The following C2CD2 variants were observed in gnomAD, a reference collection of about 807,000 sequenced individuals.
The protein encoded by C2CD2 is C2 calcium dependent domain containing 2, also known as C2 domain-containing protein 2.
A neutral mutation model predicts 74.3 loss-of-function variants in C2CD2; 43 were observed. The ratio of observed to expected loss-of-function variants is 0.58; its 90% confidence interval spans 0.45 to 0.75. The LOEUF (loss-of-function observed/expected upper bound fraction) is 0.75, where lower values mean the gene tolerates loss of function less well. C2CD2 is among the 30% of genes least tolerant of loss of function. The pLI is 0.00. For synonymous variants in C2CD2, 422 were observed against 390.7 expected, an observed-to-expected ratio of 1.08 and a Z score of -0.94; for missense variants, 801 against 916.3, an observed-to-expected ratio of 0.87 and a Z score of 1.63.
In C2CD2 at chr21:41,953,530, C is replaced by A; in HGVS notation, c.119G>T (p.Arg40Met). The part of the protein sequence containing the change: ...GLYLAQWALA[R>M]ARPQPQRRAV... Reference sequence around the variant, plus strand: ...CCGCCGCTGGGGCTGGGGTCGCGCCCTGGCCAGCGCCCACTGCGCCAGGTA... The same window carrying A: ...CCGCCGCTGGGGCTGGGGTCGCGCCATGGCCAGCGCCCACTGCGCCAGGTA... Residue 40 changes from arginine (R) to methionine (M), a missense_variant, in exon 1 of 14, where the codon AGG (arginine) becomes ATG (methionine). Transcript: ENST00000380486. 1 of 1,477,138 alleles carries A rather than the reference C, an allele frequency of 6.8e-7. No individual in the cohort carries two copies. The highest frequency in any genetic ancestry group is 8.9e-7 in the Non-Finnish European group (1 of 1,118,884). The allele number at this position is 1,477,138 out of a possible 1,614,324, so 91.5% of individuals were successfully genotyped here.
In C2CD2 at chr21:41,939,750, G is replaced by C. The variant is rs547603677; in HGVS notation, c.378+2397C>G. Among the ~76,000 whole-genome samples, 1 of 152,346 alleles carries C rather than the reference G, an allele frequency of 6.6e-6. No individual in the cohort carries two copies. Among genetic ancestry groups the C allele is most frequent in the South Asian group, 2.1e-4 (1 of 4,826 alleles). On this transcript the variant is annotated intron_variant, in intron 2 of 13. Coordinates refer to ENST00000380486, the MANE Select transcript of C2CD2 (RefSeq NM_015500.2). This position sits in a 1 kb window ranked among gnomAD's most constrained non-coding sequence, Gnocchi z 5.5. ...AACAGCGTGGCTCCAGGACTGACGA[G>C]GGTATGCAGGAAGGAGAGCTCTCCT...
chr21:41,937,947 T>C (rs1485713558), intron 2 of C2CD2, among the ~76,000 whole-genome samples: 1 of 152,106 alleles, frequency 6.6e-6, no homozygotes, highest in African/African-American at 2.4e-5. Context: ...TACCAGACGC[T>C]GGGGAGTTGG....
intron 8 of C2CD2, 71 bp from the exon 9 acceptor site, chr21:41,907,855 A>T: frequency 6.4e-7 from 1 of 1,551,944 alleles, no homozygotes; most frequent in Non-Finnish European, 8.9e-7. Flanking sequence ...GGAAAGGCCC[A>T]CACGCCCAGC....
In C2CD2 at chr21:41,945,239, G is replaced by T. The variant is rs1355788306; in HGVS notation, c.280-2994C>A. ...AACCCAAGGTACAGGATACAATCAC[G>T]GTTTTTCAGATAAACACAGAGAGAA... On this transcript the variant is annotated intron_variant, in intron 1 of 13. Coordinates refer to ENST00000380486, the MANE Select transcript of C2CD2 (RefSeq NM_015500.2). This position sits in a 1 kb window ranked among gnomAD's most constrained non-coding sequence, Gnocchi z 4.2. 6.6e-6 allele frequency among the ~76,000 whole-genome samples: 1 copy of T among 152,124 alleles called. No individual in the cohort carries two copies. The highest frequency in any genetic ancestry group is 6.6e-5 in the Admixed American group (1 of 15,258).
At chr21:41,933,110 T>C (rs768970988) in intron 2 of C2CD2, among the ~76,000 whole-genome samples, 3 of 149,724 alleles carry the variant, frequency 2.0e-5, no homozygotes, top group Non-Finnish European at 4.5e-5. Flanking sequence ...GCCAACCACA[T>C]GTCCCTTGTC....
At chr21:41,930,713 A>G (rs562268613) in intron 2 of C2CD2, among the ~76,000 whole-genome samples, 4 of 146,748 alleles carry the variant, frequency 2.7e-5, no homozygotes, top group African/African-American at 9.8e-5. Flanking sequence ...AAACAAAACA[A>G]AAAAAAAAAG....
At chr21:41,897,516 C>G (rs1030467428) in intron 13 of C2CD2, among the ~76,000 whole-genome samples, 1 of 152,202 alleles carries the variant, frequency 6.6e-6, no homozygotes, top group Admixed American at 6.5e-5. Context: ...CCACAGAGGT[C>G]AGCGTGCAGC....
In C2CD2 at chr21:41,954,004, G is replaced by C. The variant is rs1366918584; in HGVS notation, c.-356C>G. ...GCGTCCCGCCCGCGGCCCAGCGGTG[G>C]CCGGAGGAGGCTCTGGCCGCGGGGC... On this transcript the variant is annotated 5_prime_UTR_variant, in exon 1 of 14. Coordinates refer to ENST00000380486, the MANE Select transcript of C2CD2 (RefSeq NM_015500.2). 6.8e-6 allele frequency: 1 copy of C among 147,178 alleles called. No homozygotes were observed. The highest frequency in any genetic ancestry group is 2.4e-5 in the African/African-American group (1 of 40,938). The allele number at this position is 147,178 out of a possible 1,614,324, so 9.1% of individuals were successfully genotyped here.
chr21:41,901,847 G>T, intron 11 of C2CD2, 98 bp from the exon 12 acceptor site: 1 of 1,127,448 alleles, frequency 8.9e-7, no homozygotes, highest in Non-Finnish European at 1.3e-6. Flanking sequence ...GCAATGGTTA[G>T]CAGATATTTT....
chr21:41,942,126 G>A (rs1273441527), intron 2 of C2CD2, 21 bp downstream of exon 2: 5 of 1,548,130 alleles, frequency 3.2e-6, no homozygotes, highest in Non-Finnish European at 4.4e-6. Context: ...CTTCCTGCAG[G>A]GAATGGGCTC....
chr21:41,952,971 G>A (rs577065643), intron 1 of C2CD2: 101 of 194,238 alleles, frequency 5.2e-4, no homozygotes, highest in Admixed American at 1.0e-3. Context: ...TATGAGAGGC[G>A]GAAGCACATT....
In C2CD2 at chr21:41,903,960, G is replaced by A. The variant is rs998366702; in HGVS notation, c.1432+1764C>T. 5.3e-5 allele frequency among the ~76,000 whole-genome samples: 8 copies of A among 152,200 alleles called. No individual in the cohort carries two copies. Among genetic ancestry groups the A allele is most frequent in the Non-Finnish European group, 8.8e-5 (6 of 68,022 alleles). ...AAGCATCAGCGGCATTAGTACCAGAGCGGCTCCAGCTCAAATAAGGGCTGG... is the reference window on the plus strand; with the variant it reads ...AAGCATCAGCGGCATTAGTACCAGAACGGCTCCAGCTCAAATAAGGGCTGG... On this transcript the variant is annotated intron_variant, in intron 11 of 13. Coordinates refer to ENST00000380486, the MANE Select transcript of C2CD2 (RefSeq NM_015500.2). The surrounding 1 kb of genome is among the most constrained non-coding windows in gnomAD (Gnocchi z 4.5).
At chr21:41,938,526 CTCTG>C (rs1455948620) in intron 2 of C2CD2, among the ~76,000 whole-genome samples, 3 of 152,116 alleles carry the variant, frequency 2.0e-5, no homozygotes, top group African/African-American at 4.8e-5. Flanking sequence ...CAAACTGAAA[CTCTG>C]TCCTCACTAA....
Position 41,927,596 on chromosome 21 carries a change from G to A in C2CD2, c.379-5511C>T, listed in dbSNP as rs528332212. Among the ~76,000 whole-genome samples, 16 of 151,610 alleles carry A rather than the reference G, an allele frequency of 1.1e-4. 1 individual carries two copies. Among genetic ancestry groups the A allele is most frequent in the Admixed American group, 5.3e-4 (8 of 15,222 alleles). On this transcript the variant is annotated intron_variant, in intron 2 of 13. Coordinates refer to ENST00000380486, the MANE Select transcript of C2CD2 (RefSeq NM_015500.2). ...AGCGATTCTCCTGCCTCAGCCTCCC[G>A]AGTAGTTGGGACTACAGGCACGTGC...
At position 41,918,102 on chromosome 21, in the gene C2CD2, T is replaced by C. The variant is rs1223846986; in HGVS notation, c.720+3A>G. On this transcript the variant is annotated splice_donor_region_variant and intron_variant, in intron 5 of 13. Coordinates refer to ENST00000380486, the MANE Select transcript of C2CD2 (RefSeq NM_015500.2). ...TGCACCCACAGCACCCAGATGAGTT[T>C]ACCTGAGCTTCCTTTACAGTCGTGG... 6.2e-7 allele frequency: 1 copy of C among 1,614,150 alleles called. No individual in the cohort carries two copies. Among genetic ancestry groups the C allele is most frequent in the Admixed American group, 1.7e-5 (1 of 60,030 alleles).
At chr21:41,933,854 G>A (rs1051270392) in intron 2 of C2CD2, among the ~76,000 whole-genome samples, 6 of 152,192 alleles carry the variant, frequency 3.9e-5, no homozygotes, top group Non-Finnish European at 5.9e-5. Flanking sequence ...CCACAGCCAC[G>A]ACAAGGCAGT....
chr21:41,948,870 C>CTTTTTTTTTTTTCTTTTT (rs2065424728), intron 1 of C2CD2, among the ~76,000 whole-genome samples: 1 of 80,686 alleles, frequency 1.2e-5, no homozygotes, highest in Non-Finnish European at 2.3e-5. Flanking sequence ...CACACAGCAT[C>CTTTTTTTTTTTTCTTTTT]TTTTTTTTTT....
chr21:41,951,504 GGA>G (rs1263501785), intron 1 of C2CD2, among the ~76,000 whole-genome samples: 1 of 152,200 alleles, frequency 6.6e-6, no homozygotes, highest in East Asian at 1.9e-4. Context: ...CAGGAGGTCA[GGA>G]GAGACAGGTG....
At chr21:41,944,538 A>AAAAAAAAAAAAAAAAG (rs1555906450) in intron 1 of C2CD2, among the ~76,000 whole-genome samples, 1 of 130,710 alleles carries the variant, frequency 7.7e-6, no homozygotes, top group African/African-American at 3.3e-5. Context: ...AAAAAAAAAA[A>AAAAAAAAAAAAAAAAG]AAAAGAAAAG....
Sources: gnomAD v4.1 joint callset for allele counts (sites outside exome capture counted in the v4.1 genomes callset) on GRCh38, gnomAD v4.1.1 for gene constraint, Gnocchi (gnomAD v3.1) non-coding constraint, MANE v1.5 for transcripts, NCBI Gene and HGNC (gene_info 2026-07-23, HGNC 2026-07-21) for gene names.